Variants in CAST observed in about 807,000 individuals in gnomAD.
CAST encodes calpastatin.
Under a neutral mutation model 119.6 loss-of-function variants are expected in CAST, and 76 were observed. That is an observed-to-expected ratio of 0.64 (90% CI 0.53 to 0.77). The LOEUF is 0.77. Among genes scored for constraint, CAST ranks in the 30% least tolerant of loss-of-function variants. The pLI is 0.00. For synonymous variants in CAST, 319 were observed against 331.6 expected (o/e 0.96, Z 0.41); for missense variants, 953 against 946.5 (o/e 1.01, Z -0.09).
At chr5:96,767,055 G>A (rs1010561644) in intron 27 of CAST, among the ~76,000 whole-genome samples, 1 of 152,216 alleles carries the variant, frequency 6.6e-6, no homozygotes, top group African/African-American at 2.4e-5. Flanking sequence ...TGCCTTTGAA[G>A]CTGGGAAAAA....
the CAST span, among the ~76,000 whole-genome samples, chr5:96,023,100 TG>T: frequency 1.3e-5 from 2 of 152,188 alleles, no homozygotes; most frequent in African/African-American, 4.8e-5. Flanking sequence ...CAAGAATGGC[TG>T]GGGAAAGGAG....
the CAST span, among the ~76,000 whole-genome samples, chr5:96,029,827 A>G: frequency 6.6e-6 from 1 of 152,122 alleles, no homozygotes; most frequent in Non-Finnish European, 1.5e-5. Flanking sequence ...TGAGTATGGC[A>G]TGTGAAATTA....
the CAST span, among the ~76,000 whole-genome samples, chr5:96,061,412 A>G: frequency 6.6e-6 from 1 of 152,124 alleles, no homozygotes; most frequent in Non-Finnish European, 1.5e-5. Context: ...AGCCCATGCC[A>G]TCTATCATTG....
At chr5:96,632,676 T>A (rs879593046) in intron 1 of CAST, among the ~76,000 whole-genome samples, 46,530 of 151,860 alleles carry the variant, frequency 0.31, 7,178 homozygotes, top group African/African-American at 0.33. Context: ...CAGCGCTATT[T>A]GTCGAAAAGA....
At chr5:96,452,956 C>CAAAAAAAAAA in the CAST span, among the ~76,000 whole-genome samples, 390 of 62,636 alleles carry the variant, frequency 6.2e-3, 36 homozygotes, top group African/African-American at 0.045. Context: ...GACTCCGTCT[C>CAAAAAAAAAA]AAAAAAAAAA....
rs186456433 is a variant in CAST at position 96,568,703 on chromosome 5, A to G, written c.60+38823A>G. Among the ~76,000 whole-genome samples the G allele has an allele frequency of 4.8e-3, 721 of 151,116 alleles. 2 individuals are homozygous for G. Among genetic ancestry groups the G allele is most frequent in the Non-Finnish European group, 6.7e-3 (452 of 67,852 alleles). On this transcript the variant is annotated intron_variant, in intron 1 of 11. Transcript: ENST00000505143. ...AAAGGTGCTCCTTCTTTGTGTGCATATTTTTTTGTTTTCATGGGAATATTT... is the reference window on the plus strand; with the variant it reads ...AAAGGTGCTCCTTCTTTGTGTGCATGTTTTTTTGTTTTCATGGGAATATTT...
chr5:96,774,628 A>ATT lies in CAST; in HGVS notation c.*2013_*2014insTT. The stretch of plus-strand genomic sequence containing the variant: ...ACCAAAACTGAAAATCAATATTTCC[A>ATT]TGTTTCATTAATCAAGGCATAAAAT... On this transcript the variant is annotated 3_prime_UTR_variant, in exon 32 of 32. Transcript: ENST00000675179. The ATT allele has an allele frequency of 1.0e-6, 1 of 985,452 alleles. No homozygotes were observed. 61.0% of individuals were successfully genotyped at this position (985,452 alleles called of 1,614,324 possible).
the CAST span, among the ~76,000 whole-genome samples, chr5:96,109,098 G>A: frequency 6.6e-6 from 1 of 151,442 alleles, no homozygotes; most frequent in African/African-American, 2.4e-5. Context: ...CACGGTGCGT[G>A]CACCCACTGA....
At chr5:96,301,940 G>A in the CAST span, among the ~76,000 whole-genome samples, 1 of 152,132 alleles carries the variant, frequency 6.6e-6, no homozygotes, top group Admixed American at 6.5e-5. Flanking sequence ...TGCTCCAGTG[G>A]GGACTCTATG....
intron 5 of CAST, 144 bp downstream of exon 5, chr5:96,727,003 G>A (rs1581145639): frequency 3.2e-6 from 2 of 617,634 alleles, no homozygotes; most frequent in Non-Finnish European, 5.7e-6. Flanking sequence ...CTGCCCATCA[G>A]CCACATTCTG....
At chr5:96,520,298 C>A (rs1304931218), upstream of CAST, among the ~76,000 whole-genome samples, 1 of 152,162 alleles carries the variant, frequency 6.6e-6, no homozygotes, top group East Asian at 1.9e-4. Context: ...CTGCTATGTC[C>A]GAGGGTGGGA....
the CAST span, among the ~76,000 whole-genome samples, chr5:96,256,328 C>T: frequency 1.4e-4 from 20 of 145,418 alleles, no homozygotes; most frequent in African/African-American, 3.5e-4. Flanking sequence ...TATAAATATA[C>T]GGTATATAAA....
chr5:96,748,360 C>T (rs1022055780), intron 18 of CAST, among the ~76,000 whole-genome samples, 158 bp from the exon 19 acceptor site: 8 of 151,958 alleles, frequency 5.3e-5, no homozygotes, highest in Non-Finnish European at 8.8e-5. Context: ...TTTATCTTAA[C>T]GTTGATAAAT....
chr5:96,507,519 A>T, the CAST span, among the ~76,000 whole-genome samples: 1 of 149,550 alleles, frequency 6.7e-6, no homozygotes, highest in South Asian at 2.1e-4. Context: ...GCACCAGAAG[A>T]ATAGTTTTCG....
intron 3 of CAST, among the ~76,000 whole-genome samples, chr5:96,714,129 A>G (rs1024563068): frequency 2.0e-5 from 3 of 152,218 alleles, no homozygotes; most frequent in Admixed American, 2.0e-4. Context: ...TGCACTTTAT[A>G]TACATACCCT....
intron 19 of CAST, 188 bp downstream of exon 19, chr5:96,748,801 T>C (rs1459177303): frequency 4.0e-6 from 2 of 502,584 alleles, no homozygotes; most frequent in East Asian, 3.4e-5. Flanking sequence ...ATTCTTGCAA[T>C]TGAAGTCCTG....
the CAST span, among the ~76,000 whole-genome samples, chr5:96,162,322 A>T: frequency 1.3e-5 from 2 of 152,238 alleles, no homozygotes; most frequent in East Asian, 3.8e-4. Flanking sequence ...GTCATGAAAG[A>T]TGTAGAATTT....
At chr5:96,206,561 A>T in the CAST span, among the ~76,000 whole-genome samples, 1 of 152,060 alleles carries the variant, frequency 6.6e-6, no homozygotes, top group Non-Finnish European at 1.5e-5. Flanking sequence ...TTAATAGGCA[A>T]TTCTTTCCCC....
At chr5:96,571,251 C>T (rs769511026) in intron 1 of CAST, among the ~76,000 whole-genome samples, 19 of 152,156 alleles carry the variant, frequency 1.2e-4, no homozygotes, top group Non-Finnish European at 1.9e-4. Context: ...GCAGGGAGGG[C>T]TAGAGGGTCT....
Sources: allele counts gnomAD v4.1 joint callset (sites outside exome capture counted in the v4.1 genomes callset), GRCh38; gene constraint gnomAD v4.1.1; transcripts MANE v1.5; gene names NCBI Gene and HGNC (gene_info 2026-07-23, HGNC 2026-07-21).